Variants in EIF4E3 observed in about 807,000 individuals in gnomAD.
The protein encoded by EIF4E3 is eukaryotic translation initiation factor 4E family member 3.
In EIF4E3, 26 loss-of-function variants were observed where a neutral mutation model predicts 31.7. That is an observed-to-expected ratio of 0.82 (90% CI 0.60 to 1.14). The LOEUF (loss-of-function observed/expected upper bound fraction) is 1.14. EIF4E3 is among the 50% of genes most tolerant of loss of function. The probability of loss-of-function intolerance (pLI) is 0.00; values close to 1 mark genes in which losing one functional copy is unlikely to be tolerated. For synonymous variants in EIF4E3, 128 were observed against 107.7 expected (o/e 1.19, Z -1.17); for missense variants, 304 against 270.9 (o/e 1.12, Z -0.86).
At chr3:71,687,997 C>A (rs576332752) in intron 6 of EIF4E3, among the ~76,000 whole-genome samples, 2 of 149,634 alleles carry the variant, frequency 1.3e-5, no homozygotes, top group East Asian at 4.2e-4. Flanking sequence ...GCTTTGTTTA[C>A]AATAAAGAAA....
intron 6 of EIF4E3, 111 bp downstream of exon 6, chr3:71,689,899 A>T: frequency 9.5e-7 from 1 of 1,047,748 alleles, no homozygotes; most frequent in Non-Finnish European, 1.3e-6. Context: ...TTATTTTCTG[A>T]ATTATCAAAT....
the EIF4E3 span, among the ~76,000 whole-genome samples, chr3:71,663,802 G>C: frequency 6.6e-6 from 1 of 152,250 alleles, no homozygotes; most frequent in South Asian, 2.1e-4. Context: ...GAGGCCACCT[G>C]AGTGAATATC....
the EIF4E3 span, among the ~76,000 whole-genome samples, chr3:71,669,556 AC>A: frequency 6.6e-6 from 1 of 152,218 alleles, no homozygotes; most frequent in Non-Finnish European, 1.5e-5. Context: ...ACAAATGGAT[AC>A]GTTAAATGGC....
At chr3:71,713,637 A>T (rs1217095615) in intron 1 of EIF4E3, among the ~76,000 whole-genome samples, 2 of 151,670 alleles carry the variant, frequency 1.3e-5, no homozygotes, top group African/African-American at 4.8e-5. Flanking sequence ...GGGTCTTACT[A>T]TGTTGCCCAG....
chr3:71,660,456 C>T, the EIF4E3 span, among the ~76,000 whole-genome samples: 5 of 152,120 alleles, frequency 3.3e-5, no homozygotes, highest in African/African-American at 4.8e-5. Flanking sequence ...AAAGGCAAGT[C>T]GATTGTAAAA....
intron 4 of EIF4E3, among the ~76,000 whole-genome samples, chr3:71,694,521 A>G (rs187347927): frequency 4.3e-4 from 66 of 152,034 alleles, no homozygotes; most frequent in Non-Finnish European, 7.1e-4. Context: ...TGGAAGATTC[A>G]GTGCACGCTC....
At chr3:71,669,591 G>A in the EIF4E3 span, among the ~76,000 whole-genome samples, 1 of 152,048 alleles carries the variant, frequency 6.6e-6, no homozygotes, top group South Asian at 2.1e-4. Context: ...TAGAAGGGGG[G>A]TATGTTATAA....
At chr3:71,708,706 C>A (rs1405149455) in intron 2 of EIF4E3, among the ~76,000 whole-genome samples, 2 of 152,066 alleles carry the variant, frequency 1.3e-5, no homozygotes, top group Non-Finnish European at 2.9e-5. Context: ...CTCTGAGAGC[C>A]TTTACATGAG....
the EIF4E3 span, among the ~76,000 whole-genome samples, chr3:71,670,309 C>G: frequency 2.0e-5 from 3 of 152,154 alleles, no homozygotes; most frequent in Admixed American, 1.3e-4. Flanking sequence ...ATCTGTTGTA[C>G]CACTTGAGAT....
rs2048912326 is a variant in EIF4E3 at position 71,680,632 on chromosome 3, A to G, written c.*4050T>C. 1 of 152,198 alleles carries G rather than the reference A, an allele frequency of 6.6e-6. No homozygotes were observed. The highest frequency in any genetic ancestry group is 1.5e-5 in the Non-Finnish European group (1 of 68,030). 9.4% of individuals were successfully genotyped at this position (152,198 alleles called of 1,614,324 possible). ...GTATAATCTGACATGAAAGGAATCT[A>G]TTTGGGATTTCTTCTTGGGAGAAGT... On this transcript the variant is annotated 3_prime_UTR_variant, in exon 7 of 7. Coordinates refer to ENST00000425534, the MANE Select transcript of EIF4E3 (RefSeq NM_001134651.2).
chr3:71,716,945 T>C, intron 1 of EIF4E3, among the ~76,000 whole-genome samples: 1 of 152,322 alleles, frequency 6.6e-6, no homozygotes, highest in Non-Finnish European at 1.5e-5. Flanking sequence ...CTTTTAAAGA[T>C]ATAATTGCTG....
In EIF4E3 at chr3:71,684,448, A is replaced by G. The variant is rs544889111; in HGVS notation, c.*234T>C. 14 of 383,862 alleles carry G rather than the reference A, an allele frequency of 3.6e-5. No homozygotes were observed. The East Asian group carries it at 5.5e-4, about 15-fold the overall frequency. 23.8% of individuals were successfully genotyped at this position (383,862 alleles called of 1,614,324 possible). On this transcript the variant is annotated 3_prime_UTR_variant, in exon 7 of 7. Transcript: ENST00000425534. Reference sequence around the variant, plus strand: ...ACAGAGAATTTAGAAAGCCAAAAAAAAAGTTTTTTGTGTGTGTTTTTTTTA... The same window carrying G: ...ACAGAGAATTTAGAAAGCCAAAAAAGAAGTTTTTTGTGTGTGTTTTTTTTA...
intron 1 of EIF4E3, among the ~76,000 whole-genome samples, chr3:71,722,353 G>C (rs1049638320): frequency 6.6e-6 from 1 of 152,204 alleles, no homozygotes; most frequent in Non-Finnish European, 1.5e-5. Context: ...AGGTGGACCT[G>C]AAAGCACTGT....
intron 1 of EIF4E3, among the ~76,000 whole-genome samples, chr3:71,752,725 T>C (rs192432825): frequency 2.9e-4 from 44 of 152,164 alleles, no homozygotes; most frequent in African/African-American, 9.6e-4. Flanking sequence ...AAGTATATAA[T>C]GACAAATTAT....
In EIF4E3 at chr3:71,699,855, TTC is replaced by T. The variant is rs756183835; in HGVS notation, c.250-149_250-148del. On this transcript the variant is annotated intron_variant, in intron 2 of 6. Transcript: ENST00000425534. ...AGATTTTTCTCAGTATCCCTTCTAA[TTC>T]TCTGTTAGAAAATGTAATATAACAT... 137 of 649,586 alleles carry T rather than the reference TTC, an allele frequency of 2.1e-4. 1 individual carries two copies. The highest frequency in any genetic ancestry group is 4.1e-4 in the Middle Eastern group (1 of 2,412). The allele number at this position is 649,586 out of a possible 1,614,324, so 40.2% of individuals were successfully genotyped here.
intron 2 of EIF4E3, among the ~76,000 whole-genome samples, chr3:71,702,907 G>A (rs921391718): frequency 5.9e-5 from 9 of 152,054 alleles, no homozygotes; most frequent in African/African-American, 1.5e-4. Flanking sequence ...CTGCTACAGC[G>A]GAAGCCTGGT....
intron 5 of EIF4E3, among the ~76,000 whole-genome samples, chr3:71,691,106 C>G (rs2049057918): frequency 1.3e-5 from 2 of 152,290 alleles, no homozygotes; most frequent in African/African-American, 4.8e-5. Context: ...TTTCCTTGTT[C>G]ATGACACGGT....
At chr3:71,753,969 G>A (rs1264913138), upstream of EIF4E3, 1 of 1,036,708 alleles carries the variant, frequency 9.6e-7, no homozygotes, top group Non-Finnish European at 1.2e-6. Flanking sequence ...GCGGAGCGGC[G>A]GAGCTCGGGC....
chr3:71,700,117 G>A (rs1372290638), intron 2 of EIF4E3, among the ~76,000 whole-genome samples: 1 of 152,176 alleles, frequency 6.6e-6, no homozygotes, highest in Non-Finnish European at 1.5e-5. Flanking sequence ...GAGGCTGCAA[G>A]TGAGCCAAGA....
Sources: gnomAD v4.1 joint callset for allele counts (sites outside exome capture counted in the v4.1 genomes callset) on GRCh38, gnomAD v4.1.1 for gene constraint, MANE v1.5 for transcripts, NCBI Gene and HGNC (gene_info 2026-07-23, HGNC 2026-07-21) for gene names.